FAM24B: variants seen among roughly 807,000 people sequenced by gnomAD.
FAM24B encodes protein FAM24B.
Under a neutral mutation model 2.3 loss-of-function variants are expected in FAM24B, and 3 were observed. The observed-to-expected ratio is 1.29, with a 90% CI of 0.59 to 3.32. The LOEUF is 3.32. Among genes scored for constraint, FAM24B ranks in the 30% most tolerant of loss-of-function variants. The pLI is 0.03. For missense variants in FAM24B, 98 were observed against 117.2 expected (o/e 0.84, Z 0.76); for synonymous variants, 36 against 46.3 (o/e 0.78, Z 0.90).
chr10:122,865,934 G>A (rs1308595960), intron 1 of FAM24B, among the ~76,000 whole-genome samples: 1 of 149,286 alleles, frequency 6.7e-6, no homozygotes, highest in Non-Finnish European at 1.5e-5. Flanking sequence ...TTGAGATGGA[G>A]TCTCTGTTGC....
At chr10:122,866,586 C>T (rs1033927050) in intron 1 of FAM24B, among the ~76,000 whole-genome samples, 1 of 152,008 alleles carries the variant, frequency 6.6e-6, no homozygotes, top group Admixed American at 6.6e-5. Context: ...TTTGGTAATT[C>T]TTACAATATT....
In FAM24B at chr10:122,879,534, T is replaced by TGCGTCCACCGCCA. The variant is rs1848044320; in HGVS notation, c.-240_-228dup. ...CCCAGCAACCGTGGTCCATGCTGCC[T>TGCGTCCACCGCCA]GCGTCCACCGCCAGCGTCGAAAAAC... On this transcript the variant is annotated 5_prime_UTR_variant, in exon 1 of 4. Coordinates refer to ENST00000368898, the MANE Select transcript of FAM24B (RefSeq NM_152644.3). The TGCGTCCACCGCCA allele has an allele frequency of 6.5e-6, 1 of 152,696 alleles. No individual in the cohort carries two copies. The highest frequency in any genetic ancestry group is 1.5e-5 in the Non-Finnish European group (1 of 68,448). 9.5% of individuals were successfully genotyped at this position (152,696 alleles called of 1,614,324 possible).
At chr10:122,866,846 C>G (rs980908244) in intron 1 of FAM24B, among the ~76,000 whole-genome samples, 1 of 152,086 alleles carries the variant, frequency 6.6e-6, no homozygotes, top group African/African-American at 2.4e-5. Flanking sequence ...ACAATGGTCT[C>G]TAAGTGTTCA....
chr10:122,859,420 G>T (rs1158939259), intron 1 of FAM24B, among the ~76,000 whole-genome samples: 1 of 152,250 alleles, frequency 6.6e-6, no homozygotes, highest in Non-Finnish European at 1.5e-5. Context: ...TCCCAGAGAA[G>T]AGAAGATGGT....
At chr10:122,853,348 A>G (rs1461889683) in intron 2 of FAM24B, among the ~76,000 whole-genome samples, 1 of 151,986 alleles carries the variant, frequency 6.6e-6, no homozygotes, top group South Asian at 2.1e-4. Flanking sequence ...CCATATCTCA[A>G]CATAACATCT....
chr10:122,868,063 A>G (rs1180593265), intron 1 of FAM24B, among the ~76,000 whole-genome samples: 1 of 152,212 alleles, frequency 6.6e-6, no homozygotes, highest in African/African-American at 2.4e-5. Flanking sequence ...ATGAATGGAT[A>G]TAACTAGAAT....
intron 1 of FAM24B, among the ~76,000 whole-genome samples, chr10:122,865,996 G>A (rs576243857): frequency 2.0e-5 from 3 of 151,324 alleles, no homozygotes; most frequent in African/African-American, 4.9e-5. Context: ...TCTGCCTCCC[G>A]GGTTCAAGCG....
intron 1 of FAM24B, among the ~76,000 whole-genome samples, chr10:122,868,525 G>A (rs1847838852): frequency 6.6e-6 from 1 of 151,980 alleles, no homozygotes; most frequent in African/African-American, 2.4e-5. Flanking sequence ...GTTAAGGGCA[G>A]CCAGAGAGAA....
chr10:122,863,358 G>A (rs921199585), intron 1 of FAM24B, among the ~76,000 whole-genome samples: 1 of 152,102 alleles, frequency 6.6e-6, no homozygotes, highest in Admixed American at 6.6e-5. Flanking sequence ...GGGAAAACAT[G>A]GACATATGGA....
chr10:122,865,742 T>C (rs953578405), intron 1 of FAM24B, among the ~76,000 whole-genome samples: 6 of 152,118 alleles, frequency 3.9e-5, no homozygotes, highest in African/African-American at 1.4e-4. Context: ...ACTCATCTGG[T>C]CCTGGTGCTT....
intron 1 of FAM24B, among the ~76,000 whole-genome samples, chr10:122,873,259 T>C (rs1445791286): frequency 1.3e-5 from 2 of 152,240 alleles, no homozygotes; most frequent in East Asian, 1.9e-4. Context: ...GGGACTAATA[T>C]AGCTGATGAT....
At chr10:122,855,993 T>C (rs1164814849) in intron 1 of FAM24B, among the ~76,000 whole-genome samples, 1 of 152,216 alleles carries the variant, frequency 6.6e-6, no homozygotes, top group Non-Finnish European at 1.5e-5. Context: ...CTGAGAACAT[T>C]TTATTTACAA....
intron 1 of FAM24B, among the ~76,000 whole-genome samples, chr10:122,876,682 T>G (rs1023651786): frequency 6.6e-6 from 1 of 152,214 alleles, no homozygotes; most frequent in Non-Finnish European, 1.5e-5. Flanking sequence ...TTTTCTGTAT[T>G]TGCCTACCCA....
At chr10:122,867,683 T>A (rs934272259) in intron 1 of FAM24B, among the ~76,000 whole-genome samples, 1 of 152,284 alleles carries the variant, frequency 6.6e-6, no homozygotes, top group Admixed American at 6.5e-5. Context: ...GCAAACAGGG[T>A]CTGGAGTGGA....
chr10:122,853,304 T>C (rs1327645396), intron 2 of FAM24B, among the ~76,000 whole-genome samples: 1 of 152,124 alleles, frequency 6.6e-6, no homozygotes, highest in Non-Finnish European at 1.5e-5. Context: ...TCCTTACATT[T>C]TGTACCCTGG....
At chr10:122,863,346 A>G (rs1337276158) in intron 1 of FAM24B, among the ~76,000 whole-genome samples, 1 of 152,170 alleles carries the variant, frequency 6.6e-6, no homozygotes, top group Non-Finnish European at 1.5e-5. Context: ...GCAATAACAA[A>G]TGGGAAAACA....
At chr10:122,856,108 C>A (rs1279371689) in intron 1 of FAM24B, among the ~76,000 whole-genome samples, 1 of 152,202 alleles carries the variant, frequency 6.6e-6, no homozygotes, top group East Asian at 1.9e-4. Context: ...TATGTGGCTG[C>A]CACAGCAAAG....
chr10:122,878,271 G>A (rs1233757494), intron 1 of FAM24B, among the ~76,000 whole-genome samples: 1 of 152,164 alleles, frequency 6.6e-6, no homozygotes, highest in African/African-American at 2.4e-5. Flanking sequence ...GGTGGCTCAC[G>A]CTTGTAATCC....
chr10:122,858,657 C>T (rs534904986), intron 1 of FAM24B, among the ~76,000 whole-genome samples: 173 of 152,242 alleles, frequency 1.1e-3, no homozygotes, highest in Middle Eastern at 6.8e-3. Context: ...TGTGCACCTT[C>T]GGGTCCTGAA....
Sources: allele counts gnomAD v4.1 joint callset (sites outside exome capture counted in the v4.1 genomes callset), GRCh38; gene constraint gnomAD v4.1.1; transcripts MANE v1.5; gene names NCBI Gene and HGNC (gene_info 2026-07-23, HGNC 2026-07-21).